PLCZ1: variants seen among roughly 807,000 people sequenced by gnomAD.
The protein encoded by PLCZ1 is 1-phosphatidylinositol 4,5-bisphosphate phosphodiesterase zeta-1.
Under a neutral mutation model 76.8 loss-of-function variants are expected in PLCZ1, and 64 were observed. The ratio of observed to expected loss-of-function variants is 0.83; its 90% CI spans 0.68 to 1.03. The LOEUF (loss-of-function observed/expected upper bound fraction) is 1.03, where lower values mean the gene tolerates loss of function less well. Ranked by LOEUF, PLCZ1 falls within the 50% of genes least tolerant of loss-of-function variation. The pLI is 0.00. For missense variants in PLCZ1, 751 were observed against 713.7 expected (o/e 1.05, Z -0.60); for synonymous variants, 248 against 230.8 (o/e 1.07, Z -0.68).
At chr12:18,701,314 TAAGAA>T (rs2137261386) in intron 9 of PLCZ1, among the ~76,000 whole-genome samples, 182 bp downstream of exon 9, 1 of 152,172 alleles carries the variant, frequency 6.6e-6, no homozygotes, top group East Asian at 1.9e-4. Context: ...GCAGCTAACA[TAAGAA>T]AAGAGGCAAT....
intron 3 of PLCZ1, among the ~76,000 whole-genome samples, chr12:18,725,579 A>G (rs1958705883): frequency 6.6e-6 from 1 of 152,112 alleles, no homozygotes. Context: ...TCCCTCTTAA[A>G]GTTCTCACTG....
chr12:18,705,700 T>C (rs1956514381), intron 6 of PLCZ1, among the ~76,000 whole-genome samples: 1 of 150,794 alleles, frequency 6.6e-6, no homozygotes, highest in Non-Finnish European at 1.5e-5. Context: ...ACCCCATCTC[T>C]ACTAAAATCA....
At chr12:18,724,223 G>C (rs964792784) in intron 3 of PLCZ1, among the ~76,000 whole-genome samples, 14 of 152,090 alleles carry the variant, frequency 9.2e-5, no homozygotes, top group African/African-American at 2.9e-4. Context: ...GAGCAGATAA[G>C]ATGAAATTCA....
At chr12:18,677,191 CTGCT>C in the PLCZ1 span, among the ~76,000 whole-genome samples, 3 of 152,052 alleles carry the variant, frequency 2.0e-5, no homozygotes, top group African/African-American at 7.2e-5. Context: ...CCTGGTCAGG[CTGCT>C]TGCCACAATA....
At chr12:18,723,648 T>A in intron 3 of PLCZ1, 106 bp from the exon 4 acceptor site, 1 of 911,216 alleles carries the variant, frequency 1.1e-6, no homozygotes, top group East Asian at 2.6e-5. Flanking sequence ...TGAAAGAAGA[T>A]GAAAATTACA....
At chr12:18,659,293 G>T in the PLCZ1 span, among the ~76,000 whole-genome samples, 1 of 152,040 alleles carries the variant, frequency 6.6e-6, no homozygotes, top group Non-Finnish European at 1.5e-5. Context: ...CACTAGTCCC[G>T]TACAATAGAT....
intron 13 of PLCZ1, 110 bp downstream of exon 13, chr12:18,687,979 C>T (rs1953419247): frequency 1.4e-6 from 2 of 1,440,942 alleles, no homozygotes; most frequent in African/African-American, 2.9e-5. Context: ...TAATGGAAAA[C>T]CCTTGTCTTA....
chr12:18,698,394 C>A (rs147825764), intron 10 of PLCZ1, among the ~76,000 whole-genome samples: 5 of 151,978 alleles, frequency 3.3e-5, no homozygotes, highest in African/African-American at 1.2e-4. Flanking sequence ...TTGGTTACAA[C>A]ACACAGGTTA....
intron 13 of PLCZ1, 109 bp downstream of exon 13, chr12:18,687,980 C>T: frequency 6.9e-7 from 1 of 1,446,122 alleles, no homozygotes; most frequent in Non-Finnish European, 9.4e-7. Context: ...AATGGAAAAC[C>T]CTTGTCTTAT....
chr12:18,736,873 C>A (rs1359801409), intron 2 of PLCZ1: 2 of 429,308 alleles, frequency 4.7e-6, no homozygotes, highest in Admixed American at 4.9e-5. Context: ...AGTCCAATGC[C>A]CAGCTACACA....
At chr12:18,716,423 G>A (rs936573860) in intron 5 of PLCZ1, among the ~76,000 whole-genome samples, 3 of 152,176 alleles carry the variant, frequency 2.0e-5, no homozygotes, top group African/African-American at 7.2e-5. Flanking sequence ...CAGTGATTAT[G>A]CAATGTCATG....
Position 18,684,132 on chromosome 12 carries a change from T to C in PLCZ1, c.1739A>G (p.Lys580Arg), listed in dbSNP as rs1377138386. 3.1e-6 allele frequency: 5 copies of C among 1,611,354 alleles called. No individual in the cohort carries two copies. Among genetic ancestry groups the C allele is most frequent in the African/African-American group, 2.7e-5 (2 of 74,794 alleles). Residue 580 changes from lysine to arginine, a missense_variant and splice_region_variant, in exon 14 of 15, where the codon AAA becomes AGA. Lys to Arg is a conservative substitution (Grantham distance 26). Transcript: ENST00000266505. The part of the protein sequence containing the change: ...QYTLPLLCMN[K>R]GYRRIPLFSR... ...CATCTAACTTTTAGGGACATTACCT[T>C]TGTTCATGCATAGAAGTGGCAAAGT...
At chr12:18,655,447 G>A in the PLCZ1 span, among the ~76,000 whole-genome samples, 7 of 152,242 alleles carry the variant, frequency 4.6e-5, no homozygotes, top group South Asian at 2.1e-4. Context: ...CAAAATCCAC[G>A]CAGAATTCCT....
the PLCZ1 span, among the ~76,000 whole-genome samples, chr12:18,645,780 C>T: frequency 1.3e-5 from 2 of 152,110 alleles, no homozygotes; most frequent in South Asian, 4.1e-4. Context: ...CAGTTGACAA[C>T]AGATTCATGA....
At chr12:18,660,326 T>C in the PLCZ1 span, among the ~76,000 whole-genome samples, 1 of 152,220 alleles carries the variant, frequency 6.6e-6, no homozygotes, top group East Asian at 1.9e-4. Flanking sequence ...TGATATCTGA[T>C]TGATGCTCTG....
chr12:18,713,197 T>C (rs1200521263), intron 5 of PLCZ1, among the ~76,000 whole-genome samples: 1 of 152,104 alleles, frequency 6.6e-6, no homozygotes. Flanking sequence ...AGTACAATAC[T>C]GTGTCTTTCT....
the PLCZ1 span, among the ~76,000 whole-genome samples, chr12:18,660,312 G>A: frequency 3.3e-5 from 5 of 152,108 alleles, no homozygotes; most frequent in Non-Finnish European, 5.9e-5. Context: ...AGGGATCTGT[G>A]TTCTGATATC....
At chr12:18,665,196 C>T in the PLCZ1 span, among the ~76,000 whole-genome samples, 1 of 150,392 alleles carries the variant, frequency 6.6e-6, no homozygotes, top group Non-Finnish European at 1.5e-5. Context: ...AAAATAAGAA[C>T]AAAGAATGGT....
the PLCZ1 span, among the ~76,000 whole-genome samples, chr12:18,662,719 G>T: frequency 6.6e-6 from 1 of 152,060 alleles, no homozygotes; most frequent in African/African-American, 2.4e-5. Context: ...GAAAAATGAG[G>T]TCTAGTCTGT....
Sources: allele counts gnomAD v4.1 joint callset (sites outside exome capture counted in the v4.1 genomes callset), GRCh38; gene constraint gnomAD v4.1.1; transcripts MANE v1.5; gene names NCBI Gene and HGNC (gene_info 2026-07-23, HGNC 2026-07-21).